Variants in UNC13C observed in about 807,000 individuals in gnomAD.
UNC13C encodes the protein protein unc-13 homolog C.
A neutral mutation model predicts 245.4 loss-of-function variants in UNC13C; 174 were observed. The ratio of observed to expected loss-of-function variants is 0.71; its 90% CI spans 0.63 to 0.80. The LOEUF (loss-of-function observed/expected upper bound fraction) is 0.80, where lower values mean the gene tolerates loss of function less well. Among genes scored for constraint, UNC13C ranks in the 30% least tolerant of loss-of-function variants. The pLI is 0.00. For synonymous variants in UNC13C, 992 were observed against 895.1 expected (o/e 1.11, Z -1.93); for missense variants, 2,829 against 2,602.9 (o/e 1.09, Z -1.89).
At chr15:54,313,490 A>G (rs908018239) in intron 13 of UNC13C, among the ~76,000 whole-genome samples, 1 of 151,848 alleles carries the variant, frequency 6.6e-6, no homozygotes, top group African/African-American at 2.4e-5. Flanking sequence ...GTTGACTTTA[A>G]GAGTCTCTTT....
chr15:54,062,141 G>GA (rs1555409799), intron 2 of UNC13C, among the ~76,000 whole-genome samples: 2 of 151,768 alleles, frequency 1.3e-5, no homozygotes, highest in Non-Finnish European at 2.9e-5. Context: ...CCAGCATGGT[G>GA]AAACCCCACC....
intron 31 of UNC13C, among the ~76,000 whole-genome samples, chr15:54,623,381 A>G (rs1900920088): frequency 6.6e-6 from 1 of 152,168 alleles, no homozygotes; most frequent in Non-Finnish European, 1.5e-5. Flanking sequence ...ACACATTATA[A>G]TATCATTTTG....
chr15:54,608,749 T>C (rs1899915970), intron 30 of UNC13C, among the ~76,000 whole-genome samples: 1 of 152,214 alleles, frequency 6.6e-6, no homozygotes, highest in Admixed American at 6.5e-5. Context: ...CTGTTTATTG[T>C]ATCTGCTGGG....
At chr15:53,959,074 C>T in the UNC13C span, among the ~76,000 whole-genome samples, 23 of 152,234 alleles carry the variant, frequency 1.5e-4, no homozygotes, top group Middle Eastern at 0.014. Flanking sequence ...TCACTTGTGC[C>T]ACTAACATAA....
intron 19 of UNC13C, among the ~76,000 whole-genome samples, chr15:54,454,271 G>A (rs1301178575): frequency 2.0e-5 from 3 of 151,934 alleles, no homozygotes; most frequent in Admixed American, 6.6e-5. Context: ...GAGAAACTCT[G>A]TACCCAGTGA....
chr15:54,570,610 T>C (rs1443145604), intron 30 of UNC13C, among the ~76,000 whole-genome samples: 2 of 152,236 alleles, frequency 1.3e-5, no homozygotes, highest in Non-Finnish European at 2.9e-5. Context: ...CTTTTTTTGA[T>C]TCTATCACAA....
At chr15:54,069,599 C>T (rs1279142534) in intron 2 of UNC13C, among the ~76,000 whole-genome samples, 1 of 152,090 alleles carries the variant, frequency 6.6e-6, no homozygotes, top group Non-Finnish European at 1.5e-5. Context: ...TATTTTATTT[C>T]TTTGAAGCTA....
chr15:54,025,654 A>G (rs924016449), intron 2 of UNC13C, among the ~76,000 whole-genome samples: 17 of 152,204 alleles, frequency 1.1e-4, no homozygotes, highest in African/African-American at 4.1e-4. Flanking sequence ...GTGTTCAACT[A>G]TATAAGATGA....
chr15:53,894,091 G>T, the UNC13C span, among the ~76,000 whole-genome samples: 1 of 152,176 alleles, frequency 6.6e-6, no homozygotes, highest in Non-Finnish European at 1.5e-5. Context: ...TTGGATAGGG[G>T]AGAAAATTCC....
intron 1 of UNC13C, among the ~76,000 whole-genome samples, chr15:53,980,818 T>C (rs1292669345): frequency 6.6e-6 from 1 of 152,204 alleles, no homozygotes; most frequent in African/African-American, 2.4e-5. Context: ...CATGGGCTTA[T>C]TGTTAATAAA....
the UNC13C span, among the ~76,000 whole-genome samples, chr15:53,919,917 A>G: frequency 2.8e-3 from 419 of 152,324 alleles, 6 homozygotes; most frequent in African/African-American, 9.7e-3. Flanking sequence ...AATAAAATTA[A>G]AATATTAATT....
Position 54,329,667 on chromosome 15 carries a change from G to C in UNC13C, c.4426-2376G>C, listed in dbSNP as rs533725929. On this transcript the variant is annotated intron_variant, in intron 14 of 32. Transcript: ENST00000260323. ...AAATTAAAGTTCAAGCTGTCCTGCT[G>C]TTTAAAGAATCTCTATGAAAATTCA... Among the ~76,000 whole-genome samples the C allele has an allele frequency of 3.3e-5, 5 of 152,140 alleles. No homozygotes were observed. In the East Asian group the frequency reaches 9.7e-4, roughly 30 times the overall value.
At chr15:54,125,419 C>A (rs952154544) in intron 2 of UNC13C, among the ~76,000 whole-genome samples, 1 of 152,022 alleles carries the variant, frequency 6.6e-6, no homozygotes. Context: ...ACTGAGACTG[C>A]GCCACTGCAC....
rs530830203 is a variant in UNC13C, at chr15:54,464,431, A to T, written c.4934-30177A>T. Reference sequence around the variant, plus strand: ...TGTTGATATTTTAGTGAAGCATTACATTTTTTTATTCTTGAAAATAAACAT... The same window carrying T: ...TGTTGATATTTTAGTGAAGCATTACTTTTTTTTATTCTTGAAAATAAACAT... On this transcript the variant is annotated intron_variant, in intron 19 of 32. Coordinates refer to ENST00000260323, the MANE Select transcript of UNC13C (RefSeq NM_001080534.3). Among the ~76,000 whole-genome samples the T allele has an allele frequency of 3.3e-5, 5 of 152,122 alleles. No homozygotes were observed. In the East Asian group the frequency reaches 9.6e-4, roughly 29 times the overall value.
At chr15:54,057,668 G>A (rs1207775198) in intron 2 of UNC13C, among the ~76,000 whole-genome samples, 4 of 152,158 alleles carry the variant, frequency 2.6e-5, no homozygotes, top group Admixed American at 2.6e-4. Flanking sequence ...ATTCTTTTCA[G>A]CACCACACCA....
chr15:54,465,981 G>GTA (rs1892142610), intron 19 of UNC13C, among the ~76,000 whole-genome samples: 1 of 152,006 alleles, frequency 6.6e-6, no homozygotes, highest in Non-Finnish European at 1.5e-5. Context: ...AATATGGTCT[G>GTA]TATACACAGT....
chr15:54,620,868 ACCT>A lies in UNC13C; in HGVS notation c.6107-1454_6107-1452del, dbSNP rs565035293. Reference sequence around the variant, plus strand: ...ACAAAGAGTAAAAGATAAAGGTATGACCTCCTCTCATGACTTCTTTCTCCTGGT... The same window carrying A: ...ACAAAGAGTAAAAGATAAAGGTATGACCTCTCATGACTTCTTTCTCCTGGT... On this transcript the variant is annotated intron_variant, in intron 30 of 32. Transcript: ENST00000260323. Among the ~76,000 whole-genome samples, 849 of 150,936 alleles carry A rather than the reference ACCT, an allele frequency of 5.6e-3. 8 individuals are homozygous for A. Among genetic ancestry groups the A allele is most frequent in the African/African-American group, 0.02 (811 of 41,056 alleles).
chr15:53,880,335 C>T, the UNC13C span, among the ~76,000 whole-genome samples: 1 of 152,174 alleles, frequency 6.6e-6, no homozygotes, highest in Non-Finnish European at 1.5e-5. Context: ...AATATTCACA[C>T]AGAATAAACT....
intron 19 of UNC13C, among the ~76,000 whole-genome samples, chr15:54,426,695 GT>G (rs1410948790): frequency 6.6e-6 from 1 of 151,638 alleles, no homozygotes; most frequent in Non-Finnish European, 1.5e-5. Context: ...ATGGAGTGTT[GT>G]TTAGTCTCAA....
Sources: gnomAD v4.1 joint callset for allele counts (sites outside exome capture counted in the v4.1 genomes callset) on GRCh38, gnomAD v4.1.1 for gene constraint, MANE v1.5 for transcripts, NCBI Gene and HGNC (gene_info 2026-07-23, HGNC 2026-07-21) for gene names.